Variants in VRK1 observed in about 807,000 individuals in gnomAD.
The protein encoded by VRK1 is serine/threonine-protein kinase VRK1.
In VRK1, 33 loss-of-function variants were observed where a neutral mutation model predicts 57.1. The ratio of observed to expected loss-of-function variants is 0.58; its 90% CI spans 0.44 to 0.77. VRK1 has a LOEUF of 0.77. Among genes scored for constraint, VRK1 ranks in the 30% least tolerant of loss-of-function variants. The pLI is 0.00. For synonymous variants in VRK1, 137 were observed against 147.8 expected, an observed-to-expected ratio of 0.93 and a Z score of 0.53; for missense variants, 413 against 477.3, an observed-to-expected ratio of 0.87 and a Z score of 1.25.
intron 1 of VRK1, among the ~76,000 whole-genome samples, chr14:96,823,733 C>T (rs1425912197): frequency 6.6e-6 from 1 of 152,174 alleles, no homozygotes; most frequent in Non-Finnish European, 1.5e-5. Flanking sequence ...ACTTAATTTG[C>T]AAATTCGAAA....
chr14:96,806,067 C>T lies in VRK1; in HGVS notation c.-6+8620C>T, dbSNP rs537571162. Among the ~76,000 whole-genome samples, 20 of 151,616 alleles carry T rather than the reference C, an allele frequency of 1.3e-4. No individual in the cohort carries two copies. The South Asian group carries it at 4.0e-3, about 30-fold the overall frequency. Reference sequence around the variant, plus strand: ...CATTTAAAACTATCATTGCTTGGCACCTATGCCCTAGTGACAGTTTGACCA... The same window carrying T: ...CATTTAAAACTATCATTGCTTGGCATCTATGCCCTAGTGACAGTTTGACCA... On this transcript the variant is annotated intron_variant, in intron 1 of 12. Transcript: ENST00000216639.
At chr14:96,808,054 T>TGTGTGC (rs1885980230) in intron 1 of VRK1, among the ~76,000 whole-genome samples, 2 of 142,952 alleles carry the variant, frequency 1.4e-5, no homozygotes, top group South Asian at 4.5e-4. Flanking sequence ...TGTGTGTGTG[T>TGTGTGC]GCATGTGATT....
chr14:96,816,307 C>T (rs781138287), intron 1 of VRK1, among the ~76,000 whole-genome samples: 1 of 152,092 alleles, frequency 6.6e-6, no homozygotes, highest in African/African-American at 2.4e-5. Flanking sequence ...AAACCAAGAC[C>T]ACTGTGCCAC....
chr14:96,805,984 C>CTTTT (rs368273142), intron 1 of VRK1, among the ~76,000 whole-genome samples: 1 of 126,368 alleles, frequency 7.9e-6, no homozygotes, highest in African/African-American at 2.9e-5. Flanking sequence ...GAGAATTTTT[C>CTTTT]TTTTTTTTTT....
chr14:96,828,461 C>T (rs1886883467), intron 1 of VRK1, among the ~76,000 whole-genome samples: 1 of 152,012 alleles, frequency 6.6e-6, no homozygotes, highest in Non-Finnish European at 1.5e-5. Flanking sequence ...GAAAAGCTTC[C>T]AAAATCTTAT....
intron 11 of VRK1, among the ~76,000 whole-genome samples, chr14:96,865,559 C>T (rs1888552065): frequency 1.3e-5 from 2 of 152,222 alleles, no homozygotes; most frequent in Middle Eastern, 3.4e-3. Context: ...CTCAAAAATA[C>T]TTCTAGGATT....
chr14:96,820,302 C>T (rs1453670176), intron 1 of VRK1, among the ~76,000 whole-genome samples: 3 of 152,038 alleles, frequency 2.0e-5, no homozygotes, highest in Non-Finnish European at 4.4e-5. Flanking sequence ...CAATTTGCTT[C>T]AAATGCTGAA....
chr14:96,862,511 C>CTT (rs5810783), intron 11 of VRK1, among the ~76,000 whole-genome samples: 88 of 141,974 alleles, frequency 6.2e-4, no homozygotes, highest in East Asian at 1.0e-3. Context: ...ATTTTGTTAG[C>CTT]TTTTTTTTTT....
chr14:96,846,299 A>G, intron 4 of VRK1, 135 bp downstream of exon 4: 1 of 836,884 alleles, frequency 1.2e-6, no homozygotes, highest in Non-Finnish European at 1.9e-6. Context: ...CTTACATGGG[A>G]TTTGTGTGAA....
intron 1 of VRK1, among the ~76,000 whole-genome samples, chr14:96,822,117 A>G (rs1445312460): frequency 1.3e-5 from 2 of 149,604 alleles, no homozygotes; most frequent in African/African-American, 2.5e-5. Context: ...ACCATTGGAC[A>G]TATGACATGT....
chr14:96,876,889 A>G (rs950045496), intron 12 of VRK1, among the ~76,000 whole-genome samples: 1 of 152,104 alleles, frequency 6.6e-6, no homozygotes, highest in Non-Finnish European at 1.5e-5. Flanking sequence ...AAATGACATT[A>G]GCAAAGGCAG....
intron 9 of VRK1, 21 bp downstream of exon 9, chr14:96,856,271 T>C (rs1415300911): frequency 1.3e-5 from 21 of 1,611,210 alleles, no homozygotes; most frequent in Non-Finnish European, 1.8e-5. Context: ...ACTTAAGTTA[T>C]TTCTAGCAAA....
At chr14:96,851,396 C>A (rs565748143) in intron 5 of VRK1, among the ~76,000 whole-genome samples, 1 of 152,260 alleles carries the variant, frequency 6.6e-6, no homozygotes, top group Admixed American at 6.5e-5. Context: ...CAGCCTTGGC[C>A]TCCCAAAGTG....
At chr14:96,852,774 CA>C in intron 5 of VRK1, 56 bp from the exon 6 acceptor site, 1 of 1,335,118 alleles carries the variant, frequency 7.5e-7, no homozygotes, top group South Asian at 1.2e-5. Context: ...GTACTCATTA[CA>C]AAGTTGGTTT....
chr14:96,807,460 A>T (rs943914339), intron 1 of VRK1, among the ~76,000 whole-genome samples: 6 of 152,158 alleles, frequency 3.9e-5, no homozygotes, highest in African/African-American at 9.7e-5. Flanking sequence ...TCCTCTTTTT[A>T]AAAAAATTTC....
At chr14:96,801,027 T>G (rs1395990353) in intron 1 of VRK1, among the ~76,000 whole-genome samples, 1 of 152,158 alleles carries the variant, frequency 6.6e-6, no homozygotes, top group African/African-American at 2.4e-5. Flanking sequence ...TGAAAGTCAT[T>G]AGGAACACGA....
intron 11 of VRK1, among the ~76,000 whole-genome samples, chr14:96,875,458 A>G (rs1888988671): frequency 6.6e-6 from 1 of 152,238 alleles, no homozygotes; most frequent in South Asian, 2.1e-4. Flanking sequence ...GCCCTCTTAA[A>G]CTTTTAATAA....
At chr14:96,840,918 C>A (rs1330603411) in intron 3 of VRK1, among the ~76,000 whole-genome samples, 5 of 150,434 alleles carry the variant, frequency 3.3e-5, no homozygotes, top group Admixed American at 2.0e-4. Flanking sequence ...TGCATTGGTG[C>A]AATTATAGCT....
At chr14:96,837,507 T>C (rs1261873848) in intron 2 of VRK1, among the ~76,000 whole-genome samples, 1 of 152,224 alleles carries the variant, frequency 6.6e-6, no homozygotes, top group Admixed American at 6.5e-5. Context: ...CTTTAACTTA[T>C]TTAACTCAGT....
Sources: allele counts gnomAD v4.1 joint callset (sites outside exome capture counted in the v4.1 genomes callset), GRCh38; gene constraint gnomAD v4.1.1; transcripts MANE v1.5; gene names NCBI Gene and HGNC (gene_info 2026-07-23, HGNC 2026-07-21).